Variants in ULBP1 observed in about 807,000 individuals in gnomAD.
ULBP1 encodes the protein UL16 binding protein 1, also known as UL16-binding protein 1.
Under a neutral mutation model 25.3 loss-of-function variants are expected in ULBP1, and 28 were observed. That is an observed-to-expected ratio of 1.10 (90% CI 0.82 to 1.51). ULBP1 has a LOEUF of 1.51. Ranked by LOEUF, ULBP1 falls within the 40% of genes most tolerant of loss-of-function variation. The pLI is 0.00. For synonymous variants in ULBP1, 129 were observed against 103.0 expected, an observed-to-expected ratio of 1.25 and a Z score of -1.53; for missense variants, 348 against 290.9, an observed-to-expected ratio of 1.20 and a Z score of -1.43.
rs74701618 is a variant in ULBP1, at chr6:149,969,166, A to G, written c.431A>G (p.Asn144Ser). The change falls in exon 3 of 5, where the codon AAT (asparagine) becomes AGT (serine). Residue 144 changes from asparagine to serine, a missense_variant. By Grantham distance (46) the Asn-to-Ser change is conservative. Transcript: ENST00000229708. ...HGRGSWQFLFNGQKFLLFDSN... is the reference protein window; with the variant it reads ...HGRGSWQFLFSGQKFLLFDSN... ...AGAGGATCTTGGCAGTTCCTCTTCA[A>G]TGGACAGAAGTTCCTCCTCTTTGAC... 2,356 of 1,614,236 alleles carry G rather than the reference A, an allele frequency of 1.5e-3. 28 individuals carry two copies. The African/African-American group carries it at 0.027, about 19-fold the overall frequency.
At chr6:149,970,285 C>A (rs571473921) in intron 4 of ULBP1, 138 bp downstream of exon 4, 4 of 1,258,750 alleles carry the variant, frequency 3.2e-6, no homozygotes, top group East Asian at 5.3e-5. Context: ...CTGCTGTCAC[C>A]TGTTGGCAAT....
Position 149,964,040 on chromosome 6 carries a change from C to T in ULBP1, c.-10C>T. ...TCAGCGCCTCCTGTCCACGGAGCTCCAGGTCTACAATGGCAGCGGCCGCCA... is the reference window on the plus strand; with the variant it reads ...TCAGCGCCTCCTGTCCACGGAGCTCTAGGTCTACAATGGCAGCGGCCGCCA... On this transcript the variant is annotated 5_prime_UTR_variant, in exon 1 of 5. Coordinates refer to ENST00000229708, the MANE Select transcript of ULBP1 (RefSeq NM_025218.4). 2 of 1,614,098 alleles carry T rather than the reference C, an allele frequency of 1.2e-6. No individual in the cohort carries two copies. The highest frequency in any genetic ancestry group is 1.7e-6 in the Non-Finnish European group (2 of 1,180,016).
intron 1 of ULBP1, among the ~76,000 whole-genome samples, chr6:149,966,992 G>T (rs1455936987): frequency 6.6e-6 from 1 of 152,212 alleles, no homozygotes; most frequent in East Asian, 1.9e-4. Context: ...CCTCATCACA[G>T]GGTGTGTATG....
intron 1 of ULBP1, among the ~76,000 whole-genome samples, chr6:149,964,992 TC>T (rs1247338907): frequency 6.9e-6 from 1 of 144,236 alleles, no homozygotes; most frequent in Non-Finnish European, 1.5e-5. Flanking sequence ...GGCACTCAGT[TC>T]CCCTCCGCGG....
intron 1 of ULBP1, among the ~76,000 whole-genome samples, chr6:149,967,841 C>A (rs1779230618): frequency 1.3e-5 from 2 of 152,148 alleles, no homozygotes; most frequent in Non-Finnish European, 2.9e-5. Context: ...CAGCAACAGG[C>A]ATTCCTGGGC....
At chr6:149,968,526 T>G (rs1472576594) in intron 1 of ULBP1, 81 bp from the exon 2 acceptor site, 11 of 1,525,450 alleles carry the variant, frequency 7.2e-6, no homozygotes, top group Non-Finnish European at 9.7e-6. Context: ...GGCCTTCACT[T>G]GCAGTCACCA....
intron 1 of ULBP1, among the ~76,000 whole-genome samples, chr6:149,967,930 C>G (rs1161969048): frequency 1.3e-5 from 2 of 152,128 alleles, no homozygotes; most frequent in Non-Finnish European, 2.9e-5. Context: ...ATCCCATGAG[C>G]ACAGAGGATG....
Position 149,973,656 on chromosome 6 carries a change from T to A in ULBP1, c.*2310T>A, listed in dbSNP as rs2114720866. The A allele has an allele frequency of 6.6e-6, 1 of 152,332 alleles. No individual in the cohort carries two copies. The highest frequency in any genetic ancestry group is 6.5e-5 in the Admixed American group (1 of 15,298). The allele number at this position is 152,332 out of a possible 1,614,324, so 9.4% of individuals were successfully genotyped here. A position where few individuals can be genotyped will look rare whatever the true frequency, so the allele number is the denominator to read the frequency against. On this transcript the variant is annotated 3_prime_UTR_variant, in exon 5 of 5. Coordinates refer to ENST00000229708, the MANE Select transcript of ULBP1 (RefSeq NM_025218.4). ...AAAAATTTGTATGATGATAATTGTA[T>A]AATAATTATACATGAAAGTGCCAAA...
In ULBP1 at chr6:149,964,010, A is replaced by T; in HGVS notation, c.-40A>T. On this transcript the variant is annotated 5_prime_UTR_variant, in exon 1 of 5. Coordinates refer to ENST00000229708, the MANE Select transcript of ULBP1 (RefSeq NM_025218.4). Reference sequence around the variant, plus strand: ...CAGCCGTGGTGTGAGCCTCGAAGGGAACCATCAGCGCCTCCTGTCCACGGA... The same window carrying T: ...CAGCCGTGGTGTGAGCCTCGAAGGGTACCATCAGCGCCTCCTGTCCACGGA... 1.2e-6 allele frequency: 2 copies of T among 1,607,286 alleles called. No homozygotes were observed. Among genetic ancestry groups the T allele is most frequent in the Non-Finnish European group, 1.7e-6 (2 of 1,174,612 alleles).
rs1779264416 is a variant in ULBP1 at position 149,969,270 on chromosome 6, A to G, written c.535A>G (p.Thr179Ala). 8 of 1,614,236 alleles carry G rather than the reference A, an allele frequency of 5.0e-6. No individual in the cohort carries two copies. Among genetic ancestry groups the G allele is most frequent in the East Asian group, 2.2e-5 (1 of 44,886 alleles). The change falls in exon 3 of 5, where the codon ACC (threonine) becomes GCC (alanine). Residue 179 changes from threonine (T) to alanine (A), a missense_variant. Coordinates refer to ENST00000229708, the MANE Select transcript of ULBP1 (RefSeq NM_025218.4). ...TEKWEKNRDVTMFFQKISLGD... is the reference protein window; with the variant it reads ...TEKWEKNRDVAMFFQKISLGD... The stretch of plus-strand genomic sequence containing the variant: ...GAAGTGGGAGAAGAACAGGGATGTG[A>G]CCATGTTCTTCCAGAAGATTTCACT...
rs200629923 is a variant in ULBP1, at chr6:149,964,016, C to A, written c.-34C>A. 5.0e-6 allele frequency: 8 copies of A among 1,610,492 alleles called. No individual in the cohort carries two copies. The Admixed American group carries it at 1.2e-4, about 24-fold the overall frequency. ...TGGTGTGAGCCTCGAAGGGAACCAT[C>A]AGCGCCTCCTGTCCACGGAGCTCCA... is the stretch of plus-strand genomic sequence containing the variant. On this transcript the variant is annotated 5_prime_UTR_variant, in exon 1 of 5. Coordinates refer to ENST00000229708, the MANE Select transcript of ULBP1 (RefSeq NM_025218.4).
rs139532150 is a variant in ULBP1 at position 149,969,191 on chromosome 6, C to T, written c.456C>T (p.Asp152=). The T allele has an allele frequency of 1.5e-5, 25 of 1,614,226 alleles. No individual in the cohort carries two copies. In the African/African-American group the frequency reaches 2.8e-4, roughly 18 times the overall value. The change falls in exon 3 of 5, where the codon GAC becomes GAT. Residue 152 remains aspartate (D), a synonymous_variant. Transcript: ENST00000229708. ...ATGGACAGAAGTTCCTCCTCTTTGA[C>T]TCAAACAACAGAAAGTGGACAGCAC... ...LFNGQKFLLF[D]SNNRKWTALH...
intron 1 of ULBP1, 104 bp from the exon 2 acceptor site, chr6:149,968,503 C>T (rs1779243029): frequency 4.1e-6 from 6 of 1,466,274 alleles, no homozygotes; most frequent in Non-Finnish European, 5.5e-6. Flanking sequence ...GTCTGCCAGC[C>T]CAGCCCCTCA....
In ULBP1 at chr6:149,968,798, A is replaced by C; in HGVS notation, c.277A>C (p.Thr93Pro). Residue 93 changes from threonine to proline, a missense_variant, in exon 2 of 5, where the codon ACA (threonine) becomes CCA (proline). Coordinates refer to ENST00000229708, the MANE Select transcript of ULBP1 (RefSeq NM_025218.4). Reference sequence around the variant, plus strand: ...AAAAACCTGGGAAGAACAAACTGAAACACTAAGAGACGTGGTGGATTTCCT... The same window carrying C: ...AAAAACCTGGGAAGAACAAACTGAACCACTAAGAGACGTGGTGGATTTCCT... ...VTKTWEEQTE[T>P]LRDVVDFLKG... The C allele has an allele frequency of 6.2e-7, 1 of 1,614,224 alleles. No individual in the cohort carries two copies. Among genetic ancestry groups the C allele is most frequent in the Non-Finnish European group, 8.5e-7 (1 of 1,180,054 alleles).
rs201954608 is a variant in ULBP1, at chr6:149,969,172, A to T, written c.437A>T (p.Gln146Leu). Residue 146 changes from glutamine to leucine, a missense_variant, in exon 3 of 5, where the codon CAG becomes CTG. Physicochemically the swap from Gln to Leu is moderately radical, Grantham distance 113 (BLOSUM62 -2). Transcript: ENST00000229708. ...TCTTGGCAGTTCCTCTTCAATGGAC[A>T]GAAGTTCCTCCTCTTTGACTCAAAC... The part of the protein sequence containing the change: ...RGSWQFLFNG[Q>L]KFLLFDSNNR... 20 of 1,614,260 alleles carry T rather than the reference A, an allele frequency of 1.2e-5. No homozygotes were observed. The highest frequency in any genetic ancestry group is 3.3e-4 in the Middle Eastern group (2 of 6,062).
Position 149,963,946 on chromosome 6 carries a change from T to C in ULBP1, c.-104T>C. 1 of 1,143,840 alleles carries C rather than the reference T, an allele frequency of 8.7e-7. No individual in the cohort carries two copies. 70.9% of individuals were successfully genotyped at this position (1,143,840 alleles called of 1,614,324 possible). On this transcript the variant is annotated 5_prime_UTR_variant, in exon 1 of 5. Coordinates refer to ENST00000229708, the MANE Select transcript of ULBP1 (RefSeq NM_025218.4). ...CATGCCTAGGATCCCGCCCAGTGTA[T>C]CCCTGCGCGCGGCGGGCCGGGCTGG...
rs746698402 is a variant in ULBP1 at position 149,969,983 on chromosome 6, A to G, written c.626-33A>G. Reference sequence around the variant, plus strand: ...ACATCCCCTAAGATTTTGAGCCTGGACAAGGGTTGTCACTCCTGTGTTTCC... The same window carrying G: ...ACATCCCCTAAGATTTTGAGCCTGGGCAAGGGTTGTCACTCCTGTGTTTCC... On this transcript the variant is annotated intron_variant, in intron 3 of 4. Coordinates refer to ENST00000229708, the MANE Select transcript of ULBP1 (RefSeq NM_025218.4). The G allele has an allele frequency of 3.8e-6, 6 of 1,588,560 alleles. No homozygotes were observed. In the African/African-American group the frequency reaches 5.4e-5, roughly 14 times the overall value.
intron 1 of ULBP1, among the ~76,000 whole-genome samples, chr6:149,964,843 A>G (rs528882655): frequency 1.1e-5 from 1 of 94,328 alleles, no homozygotes; most frequent in African/African-American, 4.2e-5. Context: ...CCCCCCGAGT[A>G]ACGCGGTCTC....
At chr6:149,969,884 A>C in intron 3 of ULBP1, 132 bp from the exon 4 acceptor site, 1 of 1,224,940 alleles carries the variant, frequency 8.2e-7, no homozygotes, top group East Asian at 2.6e-5. Context: ...GACTTGTCCC[A>C]GAGGTTGCCC....
Sources: allele counts gnomAD v4.1 joint callset (sites outside exome capture counted in the v4.1 genomes callset), GRCh38; gene constraint gnomAD v4.1.1; transcripts MANE v1.5; gene names NCBI Gene and HGNC (gene_info 2026-07-23, HGNC 2026-07-21).